SYT14: variants seen among roughly 807,000 people sequenced by gnomAD.
SYT14 encodes synaptotagmin 14.
Under a neutral mutation model 74.2 loss-of-function variants are expected in SYT14, and 32 were observed. The ratio of observed to expected loss-of-function variants is 0.43; its 90% CI spans 0.33 to 0.58. The LOEUF is 0.58. SYT14 is among the 20% of genes least tolerant of loss of function. The probability of loss-of-function intolerance (pLI) is 0.05; values close to 1 mark genes in which losing one functional copy is unlikely to be tolerated. For missense variants in SYT14, 791 were observed against 981.8 expected, an observed-to-expected ratio of 0.81 and a Z score of 2.60; for synonymous variants, 298 against 337.7, an observed-to-expected ratio of 0.88 and a Z score of 1.29.
intron 7 of SYT14, among the ~76,000 whole-genome samples, chr1:210,104,211 GA>G (rs2102557860): frequency 6.6e-6 from 1 of 152,322 alleles, no homozygotes; most frequent in South Asian, 2.1e-4. Context: ...TGCAGTAGAG[GA>G]AAGTCCTTGG....
exon 10 of SYT14, chr1:210,164,727 T>C (rs2083437875): frequency 6.6e-6 from 1 of 152,148 alleles, no homozygotes; most frequent in Non-Finnish European, 1.5e-5. Context: ...CTACATAGAC[T>C]AGACAATTCA....
chr1:210,162,216 C>A, exon 10 of SYT14: 1 of 428,742 alleles, frequency 2.3e-6, no homozygotes, highest in Non-Finnish European at 4.7e-6. Flanking sequence ...TAAAGTTCTT[C>A]AACGTGATGT....
chr1:209,972,991 G>A (rs1468043970), intron 2 of SYT14, among the ~76,000 whole-genome samples: 1 of 152,126 alleles, frequency 6.6e-6, no homozygotes, highest in Non-Finnish European at 1.5e-5. Flanking sequence ...CTTTTCATAG[G>A]TCTAGAAGAA....
chr1:209,941,367 G>A (rs1205233861), intron 1 of SYT14, among the ~76,000 whole-genome samples: 1 of 152,156 alleles, frequency 6.6e-6, no homozygotes, highest in Non-Finnish European at 1.5e-5. Flanking sequence ...TTGAAATATT[G>A]ACAATAGTTA....
intron 5 of SYT14, among the ~76,000 whole-genome samples, chr1:210,042,558 A>G (rs1367513206): frequency 6.6e-6 from 1 of 152,182 alleles, no homozygotes; most frequent in East Asian, 1.9e-4. Context: ...GAAGGGATAC[A>G]GTTTCAGTTT....
intron 7 of SYT14, among the ~76,000 whole-genome samples, chr1:210,148,433 C>T (rs1234435152): frequency 1.3e-5 from 2 of 151,206 alleles, no homozygotes; most frequent in South Asian, 2.1e-4. Context: ...GGTGTGAACC[C>T]GGGAGGCGGA....
At chr1:210,006,232 T>C (rs2079985755) in intron 2 of SYT14, among the ~76,000 whole-genome samples, 1 of 151,998 alleles carries the variant, frequency 6.6e-6, no homozygotes, top group Non-Finnish European at 1.5e-5. Context: ...ATTGTTACAT[T>C]CTTTTTTTAA....
intron 2 of SYT14, among the ~76,000 whole-genome samples, chr1:210,004,600 TCTTA>T (rs1254329640): frequency 6.6e-6 from 1 of 152,016 alleles, no homozygotes; most frequent in Admixed American, 6.6e-5. Context: ...TAGCACTACT[TCTTA>T]CTTTATAACA....
chr1:210,128,313 G>A (rs1002267828), intron 7 of SYT14, among the ~76,000 whole-genome samples: 1 of 151,816 alleles, frequency 6.6e-6, no homozygotes, highest in Admixed American at 6.6e-5. Flanking sequence ...GGAGATTGAG[G>A]CTGCAGTGAG....
chr1:210,007,500 TC>T (rs2080010810), intron 2 of SYT14, among the ~76,000 whole-genome samples: 1 of 152,090 alleles, frequency 6.6e-6, no homozygotes, highest in Non-Finnish European at 1.5e-5. Flanking sequence ...TAAACTTAAT[TC>T]TAAAATTAAT....
chr1:209,990,022 A>C (rs535613234), intron 2 of SYT14, among the ~76,000 whole-genome samples: 1 of 152,280 alleles, frequency 6.6e-6, no homozygotes, highest in South Asian at 2.1e-4. Flanking sequence ...TTAGCATATA[A>C]ATCAATTTTA....
chr1:210,121,803 A>T (rs2082472453), intron 7 of SYT14, among the ~76,000 whole-genome samples: 1 of 151,850 alleles, frequency 6.6e-6, no homozygotes, highest in South Asian at 2.1e-4. Context: ...CAAAAAAAAA[A>T]AAAAGAAGAA....
rs189593229 is a variant in SYT14, at chr1:209,978,402, T to G, written c.-486+25646T>G. 4.5e-3 allele frequency among the ~76,000 whole-genome samples: 689 copies of G among 152,340 alleles called. 7 individuals are homozygous for G. The highest frequency in any genetic ancestry group is 7.8e-3 in the Non-Finnish European group (533 of 68,038). ...GATTTTGGTGTGGATGTCCTTTCTG[T>G]TTGTTAGTTTTCCTTCTAACATTCA... On this transcript the variant is annotated intron_variant, in intron 2 of 9. Transcript: ENST00000637265.
chr1:210,155,635 C>T (rs998650817), intron 7 of SYT14, 86 bp from the exon 7 acceptor site: 31 of 1,409,840 alleles, frequency 2.2e-5, no homozygotes, highest in Non-Finnish European at 2.9e-5. Flanking sequence ...ATTTACCTAC[C>T]TAATCCAAAT....
At chr1:209,998,842 T>G (rs968165954) in intron 2 of SYT14, among the ~76,000 whole-genome samples, 3 of 151,812 alleles carry the variant, frequency 2.0e-5, no homozygotes, top group African/African-American at 7.3e-5. Context: ...ATAAAACTAC[T>G]GAAAGAAAAA....
At chr1:209,976,981 A>G (rs12084199) in intron 2 of SYT14, among the ~76,000 whole-genome samples, 7,603 of 151,788 alleles carry the variant, frequency 0.05, 1,024 homozygotes, top group East Asian at 0.41. Flanking sequence ...GTCTCTTTTG[A>G]TCTTTGTTGG....
intron 5 of SYT14, among the ~76,000 whole-genome samples, chr1:210,036,043 G>A (rs554328285): frequency 6.6e-6 from 1 of 151,908 alleles, no homozygotes; most frequent in Non-Finnish European, 1.5e-5. Flanking sequence ...CTGAGCATGG[G>A]TTGTCTCTCC....
At chr1:210,100,889 A>G (rs941773002) in intron 7 of SYT14, among the ~76,000 whole-genome samples, 19 of 152,184 alleles carry the variant, frequency 1.2e-4, no homozygotes, top group African/African-American at 4.6e-4. Flanking sequence ...TACAGAATAT[A>G]TATACCGCTC....
intron 5 of SYT14, among the ~76,000 whole-genome samples, chr1:210,065,262 A>G (rs1371923785): frequency 6.6e-6 from 1 of 152,022 alleles, no homozygotes; most frequent in African/African-American, 2.4e-5. Context: ...TAATCCCCAC[A>G]TGTCATGGGA....
Sources: allele counts gnomAD v4.1 joint callset (sites outside exome capture counted in the v4.1 genomes callset), GRCh38; gene constraint gnomAD v4.1.1; transcripts MANE v1.5; gene names NCBI Gene and HGNC (gene_info 2026-07-23, HGNC 2026-07-21).